The following FOXN3 variants were observed in gnomAD, a reference collection of about 807,000 sequenced individuals.
FOXN3 encodes forkhead box protein N3.
A neutral mutation model predicts 38.4 loss-of-function variants in FOXN3; 7 were observed. That is an observed-to-expected ratio of 0.18 (90% CI 0.10 to 0.34). The LOEUF is 0.34. Ranked by LOEUF, FOXN3 falls within the 10% of genes least tolerant of loss-of-function variation. The pLI is 1.00. For missense variants in FOXN3, 456 were observed against 613.4 expected, an observed-to-expected ratio of 0.74 and a Z score of 2.71; for synonymous variants, 230 against 242.2, an observed-to-expected ratio of 0.95 and a Z score of 0.47.
At chr14:89,167,236 G>C (rs1357047136) in intron 5 of FOXN3, among the ~76,000 whole-genome samples, 1 of 152,226 alleles carries the variant, frequency 6.6e-6, no homozygotes, top group East Asian at 1.9e-4. Flanking sequence ...CCCAGAATGA[G>C]CAGGCTTTCA....
At chr14:89,257,551 T>C (rs985986756) in intron 4 of FOXN3, among the ~76,000 whole-genome samples, 4 of 152,166 alleles carry the variant, frequency 2.6e-5, no homozygotes, top group African/African-American at 9.7e-5. Flanking sequence ...AAAATCCTCT[T>C]TGGGCTTCCC....
chr14:89,432,873 G>A (rs1233422759), intron 1 of FOXN3, among the ~76,000 whole-genome samples: 1 of 152,080 alleles, frequency 6.6e-6, no homozygotes, highest in Non-Finnish European at 1.5e-5. Context: ...GGGCAGAGGG[G>A]TCTCACTATA....
intron 1 of FOXN3, among the ~76,000 whole-genome samples, chr14:89,492,660 C>T (rs920300945): frequency 1.1e-4 from 17 of 152,186 alleles, no homozygotes; most frequent in Non-Finnish European, 2.2e-4. Flanking sequence ...TGCAGTAGGG[C>T]GAGATAGCAC....
At chr14:89,226,896 G>C (rs1034666048) in intron 4 of FOXN3, among the ~76,000 whole-genome samples, 15 of 152,300 alleles carry the variant, frequency 9.8e-5, no homozygotes, top group African/African-American at 3.6e-4. Context: ...ACCTGGAACA[G>C]ATTCTTCCCC....
At chr14:89,297,877 T>G (rs535837685) in intron 3 of FOXN3, among the ~76,000 whole-genome samples, 5 of 152,284 alleles carry the variant, frequency 3.3e-5, no homozygotes, top group African/African-American at 9.6e-5. Context: ...CCCAGCTACT[T>G]GGGAACCTGA....
chr14:89,225,681 A>C (rs1226833367), intron 4 of FOXN3, among the ~76,000 whole-genome samples: 2 of 152,074 alleles, frequency 1.3e-5, no homozygotes, highest in African/African-American at 4.8e-5. Context: ...TTTTGAGTTG[A>C]CCCCCTCCCT....
intron 1 of FOXN3, among the ~76,000 whole-genome samples, chr14:89,481,307 G>T (rs1893322570): frequency 6.6e-6 from 1 of 152,150 alleles, no homozygotes; most frequent in African/African-American, 2.4e-5. Flanking sequence ...GTCAACATCA[G>T]GGTAGGGAGT....
At chr14:89,564,445 C>T (rs1895308410) in intron 1 of FOXN3, among the ~76,000 whole-genome samples, 2 of 152,164 alleles carry the variant, frequency 1.3e-5, no homozygotes, top group Admixed American at 1.3e-4. Context: ...CACATGCCCT[C>T]CTTCCGTGCT....
At chr14:89,505,887 G>C (rs868695495) in intron 1 of FOXN3, among the ~76,000 whole-genome samples, 9 of 143,680 alleles carry the variant, frequency 6.3e-5, no homozygotes, top group Non-Finnish European at 9.1e-5. Context: ...CTGCCCTGCC[G>C]CCCCGTCTGG....
chr14:89,486,968 A>G (rs192212114), intron 1 of FOXN3, among the ~76,000 whole-genome samples: 44 of 152,280 alleles, frequency 2.9e-4, no homozygotes, highest in Admixed American at 1.8e-3. Flanking sequence ...CATTTGTGAG[A>G]TCATTTTATG....
chr14:89,166,059 G>T (rs575336355), intron 5 of FOXN3, among the ~76,000 whole-genome samples: 4 of 152,302 alleles, frequency 2.6e-5, no homozygotes, highest in African/African-American at 9.6e-5. Context: ...GCTGATTCCT[G>T]GTGAATCTAG....
At chr14:89,534,100 CTTTTTTTTTTTT>C (rs79800046) in intron 1 of FOXN3, among the ~76,000 whole-genome samples, 1 of 113,818 alleles carries the variant, frequency 8.8e-6, no homozygotes, top group Non-Finnish European at 1.7e-5. Context: ...ATTATACATT[CTTTTTTTTTTTT>C]TTTTTTTTTT....
chr14:89,183,152 G>C (rs954864441), intron 4 of FOXN3, among the ~76,000 whole-genome samples: 8 of 152,146 alleles, frequency 5.3e-5, no homozygotes, highest in African/African-American at 1.9e-4. Flanking sequence ...CTGTTTTGGG[G>C]ATTGTGGGAG....
chr14:89,617,482 G>A (rs777072168), intron 1 of FOXN3, among the ~76,000 whole-genome samples: 4 of 152,148 alleles, frequency 2.6e-5, no homozygotes, highest in East Asian at 1.9e-4. Context: ...TGCATGAAAC[G>A]TGCTAATGCA....
At chr14:89,391,913 G>A (rs922639449) in intron 2 of FOXN3, among the ~76,000 whole-genome samples, 2 of 152,038 alleles carry the variant, frequency 1.3e-5, no homozygotes, top group Non-Finnish European at 2.9e-5. Flanking sequence ...AGGCTGAGGC[G>A]GGAGAATTGC....
chr14:89,253,767 C>A (rs966940800), intron 4 of FOXN3, among the ~76,000 whole-genome samples: 1 of 152,150 alleles, frequency 6.6e-6, no homozygotes, highest in African/African-American at 2.4e-5. Flanking sequence ...GCCATCACTG[C>A]GTTTTTCAAG....
chr14:89,439,658 T>G (rs1440542664), intron 1 of FOXN3, among the ~76,000 whole-genome samples: 1 of 39,240 alleles, frequency 2.5e-5, no homozygotes, highest in Non-Finnish European at 5.1e-5. Context: ...CTTTTATTCC[T>G]TTTTTTTTTT....
intron 1 of FOXN3, among the ~76,000 whole-genome samples, chr14:89,428,417 G>A (rs934178072): frequency 6.6e-6 from 1 of 152,172 alleles, no homozygotes; most frequent in Non-Finnish European, 1.5e-5. Flanking sequence ...AGACGTGACT[G>A]CATGTGAGTA....
At chr14:89,464,672 C>T (rs1428257992) in intron 1 of FOXN3, among the ~76,000 whole-genome samples, 1 of 151,984 alleles carries the variant, frequency 6.6e-6, no homozygotes, top group Non-Finnish European at 1.5e-5. Context: ...GGGGCAGTTA[C>T]CCCCATGCTG....
Sources: allele counts gnomAD v4.1 joint callset (sites outside exome capture counted in the v4.1 genomes callset), GRCh38; gene constraint gnomAD v4.1.1; transcripts MANE v1.5; gene names NCBI Gene and HGNC (gene_info 2026-07-23, HGNC 2026-07-21).